Variants in SMG1 observed in about 807,000 individuals in gnomAD.
SMG1 encodes the protein serine/threonine-protein kinase SMG1.
SMG1 carries 22 observed loss-of-function variants against 419.9 expected under a neutral mutation model. The ratio of observed to expected loss-of-function variants is 0.05; its 90% CI spans 0.04 to 0.07. The LOEUF is 0.07. SMG1 is among the 10% of genes least tolerant of loss of function. SMG1 has a pLI of 1.00. For missense variants in SMG1, 3,185 were observed against 4,342.0 expected (o/e 0.73, Z 7.49); for synonymous variants, 1,538 against 1,553.5 (o/e 0.99, Z 0.23).
chr16:18,909,527 AT>A (rs1340357471), intron 1 of SMG1, among the ~76,000 whole-genome samples: 1 of 152,130 alleles, frequency 6.6e-6, no homozygotes, highest in African/African-American at 2.4e-5. Context: ...GAAAAAAATC[AT>A]CATCATCATC....
rs373206626 is a variant in SMG1 at position 18,893,497 on chromosome 16, T to C, written c.413-1143A>G. 1.6e-4 allele frequency among the ~76,000 whole-genome samples: 25 copies of C among 152,254 alleles called. No individual in the cohort carries two copies. In the East Asian group the frequency reaches 3.7e-3, roughly 22 times the overall value. ...AAAATTAGCTGGGCATAGTGGCACA[T>C]GCCTGTAATCCCAGCTACTCAGGAG... is the stretch of plus-strand genomic sequence containing the variant. On this transcript the variant is annotated intron_variant, in intron 3 of 62. Transcript: ENST00000446231.
intron 10 of SMG1, among the ~76,000 whole-genome samples, chr16:18,880,284 A>G (rs1039582028): frequency 2.0e-5 from 3 of 152,174 alleles, no homozygotes; most frequent in African/African-American, 7.2e-5. Flanking sequence ...ACTTAACTAT[A>G]ATGGCCAATA....
Position 18,879,418 on chromosome 16 carries a change from G to A in SMG1, c.1518+77C>T, listed in dbSNP as rs189792334. On this transcript the variant is annotated intron_variant, in intron 11 of 62. Transcript: ENST00000446231. ...GCATGAGCCACCATGCCCAGACAAA[G>A]CCCTTAATTTCTTACATATCGATTT... 14 of 1,301,992 alleles carry A rather than the reference G, an allele frequency of 1.1e-5. No homozygotes were observed. The East Asian group carries it at 2.2e-4, about 21-fold the overall frequency. 80.7% of individuals were successfully genotyped at this position (1,301,992 alleles called of 1,614,324 possible). A position where few individuals can be genotyped will look rare whatever the true frequency, so the allele number is the denominator to read the frequency against.
chr16:18,925,808 GGC>G (rs2142057984), intron 1 of SMG1, 140 bp downstream of exon 1: 1 of 560,748 alleles, frequency 1.8e-6, no homozygotes, highest in African/African-American at 2.0e-5. Context: ...CCCCAGCCGG[GGC>G]GGAGGAGACC....
chr16:18,917,019 T>C (rs1177225122), intron 1 of SMG1, among the ~76,000 whole-genome samples: 1 of 152,096 alleles, frequency 6.6e-6, no homozygotes, highest in Non-Finnish European at 1.5e-5. Context: ...GTGTCTAACA[T>C]GAAGATTGAG....
intron 1 of SMG1, among the ~76,000 whole-genome samples, chr16:18,909,394 C>G (rs963886567): frequency 1.3e-5 from 2 of 151,650 alleles, no homozygotes; most frequent in African/African-American, 4.8e-5. Flanking sequence ...TAATCCTAGG[C>G]CAAGCCAGCT....
intron 1 of SMG1, among the ~76,000 whole-genome samples, chr16:18,919,186 G>A (rs1045319937): frequency 6.6e-6 from 1 of 151,978 alleles, no homozygotes; most frequent in Non-Finnish European, 1.5e-5. Context: ...AATTAGCCAG[G>A]GGTAGTGGCA....
Position 18,847,541 on chromosome 16 carries a change from A to G in SMG1, c.5908T>C (p.Leu1970=), listed in dbSNP as rs2141353169. Residue 1970 remains leucine, a synonymous_variant, in exon 38 of 63, where the codon TTG becomes CTG. Coordinates refer to ENST00000446231, the MANE Select transcript of SMG1 (RefSeq NM_015092.5). Reference sequence around the variant, plus strand: ...AGGACATACATGTGTTGTTGCAGCAAAACTCCCAGCCAGAGCTCATCCCAG... The same window carrying G: ...AGGACATACATGTGTTGTTGCAGCAGAACTCCCAGCCAGAGCTCATCCCAG... ...VLWDELWLGV[L]LQQHMYVLRR... 6.2e-7 allele frequency: 1 copy of G among 1,614,048 alleles called. No homozygotes were observed. The highest frequency in any genetic ancestry group is 2.2e-5 in the East Asian group (1 of 44,896).
At chr16:18,874,485 G>C (rs2035994452) in intron 13 of SMG1, among the ~76,000 whole-genome samples, 1 of 150,768 alleles carries the variant, frequency 6.6e-6, no homozygotes, top group Admixed American at 6.6e-5. Context: ...AACTCTGTGT[G>C]GTCCAATAGG....
At chr16:18,856,778 T>C (rs1567376529) in intron 29 of SMG1, 1 of 151,158 alleles carries the variant, frequency 6.6e-6, no homozygotes, top group South Asian at 2.1e-4. Context: ...GCTCAGTACC[T>C]AGTACAAAGC....
intron 1 of SMG1, chr16:18,899,855 C>T: frequency 3.1e-6 from 2 of 640,602 alleles, no homozygotes; most frequent in Non-Finnish European, 2.8e-6. Context: ...AATACCTCTA[C>T]AGCCCCTTTA....
chr16:18,816,036 T>A, intron 58 of SMG1: 1 of 492,720 alleles, frequency 2.0e-6, no homozygotes, highest in Non-Finnish European at 3.6e-6. Context: ...TCAGACTAGG[T>A]TCATATCTTG....
chr16:18,880,684 C>T (rs1371760632), intron 10 of SMG1, among the ~76,000 whole-genome samples: 1 of 130,058 alleles, frequency 7.7e-6, no homozygotes, highest in African/African-American at 3.1e-5. Flanking sequence ...CACTGCACTC[C>T]AGCGTGGGCA....
intron 1 of SMG1, among the ~76,000 whole-genome samples, chr16:18,919,598 T>A (rs1668579218): frequency 6.8e-6 from 1 of 146,280 alleles, no homozygotes; most frequent in Non-Finnish European, 1.5e-5. Flanking sequence ...CACTCTAGCC[T>A]GGGCAACAGA....
intron 30 of SMG1, among the ~76,000 whole-genome samples, chr16:18,854,417 T>G (rs1462439324): frequency 6.6e-6 from 1 of 152,170 alleles, no homozygotes; most frequent in East Asian, 1.9e-4. Context: ...GTAAATTCAG[T>G]GACCAATGAT....
intron 41 of SMG1, 34 bp downstream of exon 41, chr16:18,841,531 T>C (rs36121165): frequency 0.08 from 125,796 of 1,578,898 alleles, 5,472 homozygotes; most frequent in Middle Eastern, 0.12. Context: ...TAACAGAGAA[T>C]AGACTAATAC....
intron 48 of SMG1, among the ~76,000 whole-genome samples, chr16:18,835,732 C>T (rs1295272197): frequency 6.6e-6 from 1 of 152,086 alleles, no homozygotes; most frequent in East Asian, 1.9e-4. Context: ...AGTGAAACCC[C>T]GTCTGTACTA....
intron 1 of SMG1, among the ~76,000 whole-genome samples, chr16:18,908,826 G>A (rs1759064212): frequency 6.6e-6 from 1 of 151,142 alleles, no homozygotes. Flanking sequence ...CATGCAGTAA[G>A]CTGAGATCAC....
Position 18,864,124 on chromosome 16 carries a change from T to C in SMG1, c.3371A>G (p.Glu1124Gly), listed in dbSNP as rs1243557051. ...CATGGCACACAGGTGTTCCTGGTAC[T>C]CCACAGAGGCCTTTTCAAACCTGAA... ...AEGRFEKASV[E>G]YQEHLCAMTG... The change falls in exon 24 of 63, where the codon GAG becomes GGG. Residue 1124 changes from glutamate (E) to glycine (G), a missense_variant. Glu to Gly is a moderately conservative substitution (Grantham distance 98, BLOSUM62 -2). This residue lies in a region of SMG1 where 121 missense variants were observed against 125.4 expected (regional missense o/e 0.96). Coordinates refer to ENST00000446231, the MANE Select transcript of SMG1 (RefSeq NM_015092.5). 1.3e-6 allele frequency: 2 copies of C among 1,538,586 alleles called. No individual in the cohort carries two copies. Among genetic ancestry groups the C allele is most frequent in the African/African-American group, 2.8e-5 (2 of 72,060 alleles).
Sources: allele counts gnomAD v4.1 joint callset (sites outside exome capture counted in the v4.1 genomes callset), GRCh38; gene constraint gnomAD v4.1.1; regional missense constraint gnomAD v4.1.1; transcripts MANE v1.5; gene names NCBI Gene and HGNC (gene_info 2026-07-23, HGNC 2026-07-21).